Variants in FOXI2 observed in about 807,000 individuals in gnomAD.
FOXI2 encodes the protein forkhead box protein I2.
FOXI2 carries 17 observed loss-of-function variants against 14.3 expected under a neutral mutation model. That is an observed-to-expected ratio of 1.19 (90% CI 0.81 to 1.78). FOXI2 has a LOEUF of 1.78. Among genes scored for constraint, FOXI2 ranks in the 40% most tolerant of loss-of-function variants. FOXI2 has a pLI of 0.00. For missense variants in FOXI2, 541 were observed against 460.0 expected, an observed-to-expected ratio of 1.18 and a Z score of -1.61; for synonymous variants, 240 against 218.8, an observed-to-expected ratio of 1.10 and a Z score of -0.85.
chr10:127,738,908 G>T lies in FOXI2; in HGVS notation c.900G>T (p.Ala300=). The T allele has an allele frequency of 1.9e-6, 3 of 1,604,170 alleles. No homozygotes were observed. The highest frequency in any genetic ancestry group is 2.5e-6 in the Non-Finnish European group (3 of 1,179,418). ...GCTTCGCCCCTGGCCACCAGACCGC[G>T]GCCGCCGGCTTCCGCCTCAGTCACC... ...SPGFAPGHQT[A]AAGFRLSHLL... is the part of the protein sequence containing the mutation. Residue 300 remains alanine (A), a synonymous_variant, in exon 2 of 2, where the codon GCG becomes GCT. Coordinates refer to ENST00000388920, the MANE Select transcript of FOXI2 (RefSeq NM_207426.3).
At position 127,740,818 on chromosome 10, in the gene FOXI2, C is replaced by A. The variant is rs1012090271; in HGVS notation, c.*1853C>A. 4 of 151,810 alleles carry A rather than the reference C, an allele frequency of 2.6e-5. No individual in the cohort carries two copies. The highest frequency in any genetic ancestry group is 9.7e-5 in the African/African-American group (4 of 41,184). The allele number at this position is 151,810 out of a possible 1,614,324, so 9.4% of individuals were successfully genotyped here. A position where few individuals can be genotyped will look rare whatever the true frequency, so the allele number is the denominator to read the frequency against. ...GTGTGTGTGTGTGTGTGCGTGTGTG[C>A]GTAAGACAGAGAGGGAGGGAGAAGG... On this transcript the variant is annotated 3_prime_UTR_variant, in exon 2 of 2. Coordinates refer to ENST00000388920, the MANE Select transcript of FOXI2 (RefSeq NM_207426.3).
Position 127,739,974 on chromosome 10 carries a change from CACT to C in FOXI2, c.*1010_*1012del, listed in dbSNP as rs1846490773. Reference sequence around the variant, plus strand: ...CCACACACACCCACACTCATACTCACACTCACACCCACACTCACACCACACCCA... The same window carrying C: ...CCACACACACCCACACTCATACTCACCACACCCACACTCACACCACACCCA... On this transcript the variant is annotated 3_prime_UTR_variant, in exon 2 of 2. Coordinates refer to ENST00000388920, the MANE Select transcript of FOXI2 (RefSeq NM_207426.3). 1 of 7,720 alleles carries C rather than the reference CACT, an allele frequency of 1.3e-4. No individual in the cohort carries two copies. Among genetic ancestry groups the C allele is most frequent in the Non-Finnish European group, 8.3e-4 (1 of 1,204 alleles). The allele number at this position is 7,720 out of a possible 1,614,324, so 0.5% of individuals were successfully genotyped here. A position where few individuals can be genotyped will look rare whatever the true frequency, so the allele number is the denominator to read the frequency against.
chr10:127,738,628 C>A lies in FOXI2; in HGVS notation c.620C>A (p.Ser207Ter), dbSNP rs370717640. ...RRAEASAAVRSGARSVGGAEA... is the reference protein window; with the variant it reads ...RRAEASAAVR ...GCTGAAGCCAGCGCGGCCGTGCGCT[C>A]GGGAGCCAGGAGCGTGGGAGGGGCC... Residue 207 changes from serine to a stop codon, truncating the protein, a stop_gained, in exon 2 of 2, where the codon TCG (serine) becomes TAG (stop). Transcript: ENST00000388920. LOFTEE classifies it low-confidence loss of function (END_TRUNC). The A allele has an allele frequency of 6.2e-7, 1 of 1,603,952 alleles. No homozygotes were observed. Among genetic ancestry groups the A allele is most frequent in the Non-Finnish European group, 8.5e-7 (1 of 1,175,104 alleles).
rs7897930 is a variant in FOXI2 at position 127,739,210 on chromosome 10, A to T, written c.*245A>T. ...TCGGAACCTCCCTGCTCTGCCTCTAAGTCCAGCCGCCCTGGGCGTCTAGAA... is the reference window on the plus strand; with the variant it reads ...TCGGAACCTCCCTGCTCTGCCTCTATGTCCAGCCGCCCTGGGCGTCTAGAA... On this transcript the variant is annotated 3_prime_UTR_variant, in exon 2 of 2. Transcript: ENST00000388920. The T allele has an allele frequency of 1.8e-3, 891 of 494,596 alleles. 4 individuals are homozygous for T. The highest frequency in any genetic ancestry group is 0.013 in the African/African-American group (633 of 49,100). The allele number at this position is 494,596 out of a possible 1,614,324, so 30.6% of individuals were successfully genotyped here.
At position 127,741,026 on chromosome 10, in the gene FOXI2, C is replaced by T. The variant is rs1846518385; in HGVS notation, c.*2061C>T. 3.3e-5 allele frequency: 5 copies of T among 152,130 alleles called. No individual in the cohort carries two copies. Among genetic ancestry groups the T allele is most frequent in the Admixed American group, 3.3e-4 (5 of 15,268 alleles). 9.4% of individuals were successfully genotyped at this position (152,130 alleles called of 1,614,324 possible). On this transcript the variant is annotated 3_prime_UTR_variant, in exon 2 of 2. Transcript: ENST00000388920. The stretch of plus-strand genomic sequence containing the variant: ...GATGTCGCCTAACTAAACTCACAAC[C>T]AACCCGCAATCTCTCTTGGGGGGAC...
In FOXI2 at chr10:127,739,769, C is replaced by CCACCCA. The variant is rs1332406113; in HGVS notation, c.*814_*819dup. On this transcript the variant is annotated 3_prime_UTR_variant, in exon 2 of 2. Transcript: ENST00000388920. ...AGTTCCCCAAGGGTCCAGGTTTGTG[C>CCACCCA]CACCCACACCCACACTCACACCCAC... 4 of 147,550 alleles carry CCACCCA rather than the reference C, an allele frequency of 2.7e-5. No individual in the cohort carries two copies. The highest frequency in any genetic ancestry group is 5.1e-5 in the African/African-American group (2 of 39,540). The allele number at this position is 147,550 out of a possible 1,614,324, so 9.1% of individuals were successfully genotyped here.
Position 127,737,589 on chromosome 10 carries a change from T to C in FOXI2, c.316T>C (p.Ser106Pro). ...GCTGAGGCTGGTGCGGCCGCCCTACTCCTACTCGGCGCTCATCGCCATGGC... is the reference window on the plus strand; with the variant it reads ...GCTGAGGCTGGTGCGGCCGCCCTACCCCTACTCGGCGCTCATCGCCATGGC... Reference protein sequence around the residue: ...ELLRLVRPPYSYSALIAMAIQ... With the variant: ...ELLRLVRPPYPYSALIAMAIQ... The change falls in exon 1 of 2, where the codon TCC (serine) becomes CCC (proline). Residue 106 changes from serine to proline, a missense_variant. Ser to Pro is a moderately conservative substitution (Grantham distance 74). Transcript: ENST00000388920. 3 of 1,552,854 alleles carry C rather than the reference T, an allele frequency of 1.9e-6. No homozygotes were observed. Among genetic ancestry groups the C allele is most frequent in the Non-Finnish European group, 2.6e-6 (3 of 1,148,412 alleles).
rs1412162210 is a variant in FOXI2, at chr10:127,740,074, A to G, written c.*1109A>G. The G allele has an allele frequency of 8.4e-6, 1 of 118,486 alleles. No homozygotes were observed. Among genetic ancestry groups the G allele is most frequent in the Non-Finnish European group, 1.7e-5 (1 of 57,716 alleles). The allele number at this position is 118,486 out of a possible 1,614,324, so 7.3% of individuals were successfully genotyped here. A position where few individuals can be genotyped will look rare whatever the true frequency, so the allele number is the denominator to read the frequency against. On this transcript the variant is annotated 3_prime_UTR_variant, in exon 2 of 2. Coordinates refer to ENST00000388920, the MANE Select transcript of FOXI2 (RefSeq NM_207426.3). ...CACACTCACACCCACACTCATACTC[A>G]CACTCACACCCACACTCACACTCAC...
rs1290783856 is a variant in FOXI2 at position 127,738,711 on chromosome 10, T to A, written c.703T>A (p.Ser235Thr). The stretch of plus-strand genomic sequence containing the variant: ...TTGCCTGGACCTGCAGGCCTCGCCC[T>A]CTCCATCCGCACCCGAGGCCGCCAC... The part of the protein sequence containing the change: ...AACLDLQASP[S>T]PSAPEAATCF... Residue 235 changes from serine (S) to threonine (T), a missense_variant, in exon 2 of 2, where the codon TCT (serine) becomes ACT (threonine). Ser to Thr is a moderately conservative substitution (Grantham distance 58, BLOSUM62 1). Transcript: ENST00000388920. The A allele has an allele frequency of 3.8e-6, 6 of 1,597,936 alleles. No individual in the cohort carries two copies. The highest frequency in any genetic ancestry group is 5.1e-6 in the Non-Finnish European group (6 of 1,172,928).
Position 127,738,866 on chromosome 10 carries a change from C to T in FOXI2, c.858C>T (p.Thr286=). The change falls in exon 2 of 2, where the codon ACC becomes ACT. Residue 286 remains threonine (T), a synonymous_variant. Coordinates refer to ENST00000388920, the MANE Select transcript of FOXI2 (RefSeq NM_207426.3). Reference sequence around the variant, plus strand: ...CAGTCGCCACCCACGCTCCCCAGACCCTTAACCCCTCCCCTGGCTTCGCCC... The same window carrying T: ...CAGTCGCCACCCACGCTCCCCAGACTCTTAACCCCTCCCCTGGCTTCGCCC... ...PPTVATHAPQ[T]LNPSPGFAPG... 6.2e-7 allele frequency: 1 copy of T among 1,608,240 alleles called. No individual in the cohort carries two copies. Among genetic ancestry groups the T allele is most frequent in the Non-Finnish European group, 8.5e-7 (1 of 1,179,278 alleles).
chr10:127,739,173 C>T lies in FOXI2; in HGVS notation c.*208C>T. The T allele has an allele frequency of 3.7e-6, 2 of 544,054 alleles. No homozygotes were observed. Among genetic ancestry groups the T allele is most frequent in the Non-Finnish European group, 6.4e-6 (2 of 313,122 alleles). The allele number at this position is 544,054 out of a possible 1,614,324, so 33.7% of individuals were successfully genotyped here. ...TGGCCCTTCTGCTGTGCACCCCTCA[C>T]CCAGGCGACCTTCGGAACCTCCCTG... On this transcript the variant is annotated 3_prime_UTR_variant, in exon 2 of 2. Coordinates refer to ENST00000388920, the MANE Select transcript of FOXI2 (RefSeq NM_207426.3).
Position 127,738,877 on chromosome 10 carries a change from C to T in FOXI2, c.869C>T (p.Ser290Phe). Residue 290 changes from serine (S) to phenylalanine (F), a missense_variant, in exon 2 of 2, where the codon TCC (serine) becomes TTC (phenylalanine). By Grantham distance (155) the Ser-to-Phe change is radical. Coordinates refer to ENST00000388920, the MANE Select transcript of FOXI2 (RefSeq NM_207426.3). The stretch of plus-strand genomic sequence containing the variant: ...CACGCTCCCCAGACCCTTAACCCCT[C>T]CCCTGGCTTCGCCCCTGGCCACCAG... ...ATHAPQTLNP[S>F]PGFAPGHQTA... 2 of 1,607,266 alleles carry T rather than the reference C, an allele frequency of 1.2e-6. No individual in the cohort carries two copies. The highest frequency in any genetic ancestry group is 1.3e-5 in the African/African-American group (1 of 75,008).
chr10:127,740,793 G>A lies in FOXI2; in HGVS notation c.*1828G>A, dbSNP rs1337772202. ...CATCATGGCCCTGCTGAAGAGTGAG[G>A]TGTGTGTGTGTGTGTGCGTGTGTGC... On this transcript the variant is annotated 3_prime_UTR_variant, in exon 2 of 2. Transcript: ENST00000388920. 2 of 150,824 alleles carry A rather than the reference G, an allele frequency of 1.3e-5. No individual in the cohort carries two copies. The highest frequency in any genetic ancestry group is 4.9e-5 in the African/African-American group (2 of 41,036). 9.3% of individuals were successfully genotyped at this position (150,824 alleles called of 1,614,324 possible). A position where few individuals can be genotyped will look rare whatever the true frequency, so the allele number is the denominator to read the frequency against.
chr10:127,738,935 C>A lies in FOXI2; in HGVS notation c.927C>A (p.Leu309=), dbSNP rs373715102. The change falls in exon 2 of 2, where the codon CTC becomes CTA. Residue 309 remains leucine (L), a synonymous_variant. Coordinates refer to ENST00000388920, the MANE Select transcript of FOXI2 (RefSeq NM_207426.3). The part of the protein sequence containing the change: ...TAAAGFRLSH[L]LYSREGTEV Reference sequence around the variant, plus strand: ...CCGCCGGCTTCCGCCTCAGTCACCTCCTCTACAGCCGGGAAGGGACCGAAG... The same window carrying A: ...CCGCCGGCTTCCGCCTCAGTCACCTACTCTACAGCCGGGAAGGGACCGAAG... The A allele has an allele frequency of 6.2e-7, 1 of 1,601,750 alleles. No homozygotes were observed.
chr10:127,738,396 G>A (rs1221823042), intron 1 of FOXI2, 124 bp from the exon 2 acceptor site: 3 of 701,624 alleles, frequency 4.3e-6, no homozygotes, highest in Non-Finnish European at 7.2e-6. Flanking sequence ...TGGAATGGGG[G>A]CGAGGACTCA....
At position 127,737,341 on chromosome 10, in the gene FOXI2, A is replaced by T; in HGVS notation, c.68A>T (p.His23Leu). Residue 23 changes from histidine to leucine, a missense_variant, in exon 1 of 2, where the codon CAC becomes CTC. Coordinates refer to ENST00000388920, the MANE Select transcript of FOXI2 (RefSeq NM_207426.3). ...APPGQAQATA[H>L]PPGYEPGDLG... ...CCCGGCCAGGCCCAGGCCACCGCGCACCCCCCGGGCTATGAGCCAGGGGAT... is the reference window on the plus strand; with the variant it reads ...CCCGGCCAGGCCCAGGCCACCGCGCTCCCCCCGGGCTATGAGCCAGGGGAT... 1.4e-6 allele frequency: 2 copies of T among 1,433,792 alleles called. No homozygotes were observed. Among genetic ancestry groups the T allele is most frequent in the Non-Finnish European group, 9.0e-7 (1 of 1,108,278 alleles). 88.8% of individuals were successfully genotyped at this position (1,433,792 alleles called of 1,614,324 possible). A position where few individuals can be genotyped will look rare whatever the true frequency, so the allele number is the denominator to read the frequency against.
chr10:127,737,846 C>A, intron 1 of FOXI2, 62 bp downstream of exon 1: 1 of 1,563,688 alleles, frequency 6.4e-7, no homozygotes, highest in Non-Finnish European at 8.7e-7. Context: ...GGGCCGCGGG[C>A]ACTCCGGGGG....
Position 127,739,871 on chromosome 10 carries a change from A to T in FOXI2, c.*906A>T, listed in dbSNP as rs1482348778. 2.6e-5 allele frequency: 2 copies of T among 77,662 alleles called. No individual in the cohort carries two copies. The highest frequency in any genetic ancestry group is 2.4e-5 in the Non-Finnish European group (1 of 42,252). The allele number at this position is 77,662 out of a possible 1,614,324, so 4.8% of individuals were successfully genotyped here. A position where few individuals can be genotyped will look rare whatever the true frequency, so the allele number is the denominator to read the frequency against. On this transcript the variant is annotated 3_prime_UTR_variant, in exon 2 of 2. Transcript: ENST00000388920. ...CACACTCACACCCACACTCACACCC[A>T]CACTCACACCCACACCCACACCCAC...
In FOXI2 at chr10:127,738,917, C is replaced by T; in HGVS notation, c.909C>T (p.Gly303=). ...FAPGHQTAAA[G]FRLSHLLYSR... Reference sequence around the variant, plus strand: ...CTGGCCACCAGACCGCGGCCGCCGGCTTCCGCCTCAGTCACCTCCTCTACA... The same window carrying T: ...CTGGCCACCAGACCGCGGCCGCCGGTTTCCGCCTCAGTCACCTCCTCTACA... The change falls in exon 2 of 2, where the codon GGC becomes GGT. Residue 303 remains glycine, a synonymous_variant. Transcript: ENST00000388920. 1 of 1,603,296 alleles carries T rather than the reference C, an allele frequency of 6.2e-7. No homozygotes were observed. The highest frequency in any genetic ancestry group is 8.5e-7 in the Non-Finnish European group (1 of 1,179,510).
Sources: allele counts gnomAD v4.1 joint callset, GRCh38; gene constraint gnomAD v4.1.1; transcripts MANE v1.5; gene names NCBI Gene and HGNC (gene_info 2026-07-23, HGNC 2026-07-21).